The following HSD17B12 variants were observed in gnomAD, a reference collection of about 807,000 sequenced individuals.
HSD17B12 encodes the protein very-long-chain 3-oxoacyl-CoA reductase.
A neutral mutation model predicts 39.3 loss-of-function variants in HSD17B12; 32 were observed. That is an observed-to-expected ratio of 0.81 (90% CI 0.61 to 1.09). HSD17B12 has a LOEUF of 1.09. HSD17B12 is among the 50% of genes least tolerant of loss of function. The pLI is 0.00. For synonymous variants in HSD17B12, 150 were observed against 146.7 expected, an observed-to-expected ratio of 1.02 and a Z score of -0.16; for missense variants, 342 against 382.9, an observed-to-expected ratio of 0.89 and a Z score of 0.89.
At chr11:43,736,506 A>T (rs769807283) in intron 1 of HSD17B12, among the ~76,000 whole-genome samples, 1 of 152,192 alleles carries the variant, frequency 6.6e-6, no homozygotes, top group Non-Finnish European at 1.5e-5. Flanking sequence ...GGGACAGGAC[A>T]TTTGTAAACT....
chr11:43,610,569 C>T, the HSD17B12 span, among the ~76,000 whole-genome samples: 10 of 152,124 alleles, frequency 6.6e-5, no homozygotes, highest in African/African-American at 2.4e-4. Context: ...TCAGTTTCCC[C>T]ATATGCAAAA....
chr11:43,762,388 C>T (rs1950562333), intron 3 of HSD17B12, among the ~76,000 whole-genome samples: 1 of 152,162 alleles, frequency 6.6e-6, no homozygotes, highest in East Asian at 1.9e-4. Flanking sequence ...AGCAGGAAGC[C>T]TGACTTACAC....
intron 3 of HSD17B12, among the ~76,000 whole-genome samples, chr11:43,787,497 G>C (rs1036092251): frequency 1.3e-5 from 2 of 151,984 alleles, no homozygotes; most frequent in African/African-American, 4.8e-5. Context: ...AACACTGTGG[G>C]AGGCCGAAGC....
At chr11:43,563,261 G>A in the HSD17B12 span, among the ~76,000 whole-genome samples, 1 of 152,196 alleles carries the variant, frequency 6.6e-6, no homozygotes, top group African/African-American at 2.4e-5. Flanking sequence ...GCTTGCCATT[G>A]TAGCACTCGT....
chr11:43,664,891 G>T, the HSD17B12 span, among the ~76,000 whole-genome samples: 1 of 152,180 alleles, frequency 6.6e-6, no homozygotes, highest in Non-Finnish European at 1.5e-5. Context: ...TGGAAAGCAA[G>T]TCTTTCTAAC....
chr11:43,765,344 T>C (rs1458418264), intron 3 of HSD17B12, among the ~76,000 whole-genome samples: 1 of 152,132 alleles, frequency 6.6e-6, no homozygotes, highest in African/African-American at 2.4e-5. Context: ...ACTACTTTGC[T>C]TCACTGTCTT....
rs149823033 is a variant in HSD17B12, at chr11:43,711,568, G to A, written c.160+30581G>A. Among the ~76,000 whole-genome samples the A allele has an allele frequency of 1.7e-3, 255 of 149,982 alleles. 5 individuals carry two copies. The East Asian group carries it at 0.036, about 21-fold the overall frequency. ...CGGCTTACTGTAGCATCAGCCTCCC[G>A]GGCTTAAGTGATCCTCCCACCTCAG... On this transcript the variant is annotated intron_variant, in intron 1 of 10. Coordinates refer to ENST00000278353, the MANE Select transcript of HSD17B12 (RefSeq NM_016142.3).
At chr11:43,621,599 C>T in the HSD17B12 span, among the ~76,000 whole-genome samples, 1 of 152,126 alleles carries the variant, frequency 6.6e-6, no homozygotes, top group Admixed American at 6.5e-5. Flanking sequence ...CCTGTGGTCC[C>T]AGCTACTCTG....
At chr11:43,574,186 C>A in the HSD17B12 span, among the ~76,000 whole-genome samples, 1 of 152,158 alleles carries the variant, frequency 6.6e-6, no homozygotes, top group Non-Finnish European at 1.5e-5. Context: ...TAAGCTTAAC[C>A]CCAAATCTCT....
At chr11:43,789,369 A>G (rs1950845708) in intron 3 of HSD17B12, among the ~76,000 whole-genome samples, 1 of 152,176 alleles carries the variant, frequency 6.6e-6, no homozygotes, top group Non-Finnish European at 1.5e-5. Flanking sequence ...ACATTTATTG[A>G]GCTCCTATAA....
At chr11:43,677,817 C>A (rs182238927), upstream of HSD17B12, among the ~76,000 whole-genome samples, 30 of 152,310 alleles carry the variant, frequency 2.0e-4, no homozygotes, top group Middle Eastern at 6.8e-3. Context: ...GTATATGTGC[C>A]ACTTTTTGTT....
intron 9 of HSD17B12, among the ~76,000 whole-genome samples, chr11:43,849,691 TC>T (rs756146293): frequency 6.6e-6 from 1 of 152,232 alleles, no homozygotes; most frequent in Non-Finnish European, 1.5e-5. Context: ...GGTATTTTTT[TC>T]ATCTTGCTTT....
chr11:43,738,334 A>G (rs2134906964), intron 1 of HSD17B12, among the ~76,000 whole-genome samples: 1 of 152,172 alleles, frequency 6.6e-6, no homozygotes, highest in East Asian at 1.9e-4. Flanking sequence ...TATTAAGCCC[A>G]GAGTCCATTA....
chr11:43,727,752 C>T (rs967563013), intron 1 of HSD17B12, among the ~76,000 whole-genome samples: 2 of 152,184 alleles, frequency 1.3e-5, no homozygotes, highest in African/African-American at 4.8e-5. Context: ...ACAATTCACC[C>T]TCTTTCTACC....
intron 4 of HSD17B12, among the ~76,000 whole-genome samples, chr11:43,807,347 A>G (rs1951028902): frequency 6.6e-6 from 1 of 152,208 alleles, no homozygotes; most frequent in Non-Finnish European, 1.5e-5. Context: ...TACTGGGAGA[A>G]TAGACATGGG....
At chr11:43,646,161 A>G in the HSD17B12 span, 2 of 152,236 alleles carry the variant, frequency 1.3e-5, no homozygotes, top group Admixed American at 6.5e-5. Context: ...CTCAAAAAAT[A>G]TATGTATAGT....
chr11:43,637,089 G>T, the HSD17B12 span, among the ~76,000 whole-genome samples: 3 of 152,100 alleles, frequency 2.0e-5, no homozygotes, highest in Non-Finnish European at 4.4e-5. Flanking sequence ...GCATTATAAA[G>T]TTGTAGTATT....
the HSD17B12 span, among the ~76,000 whole-genome samples, chr11:43,585,482 C>T: frequency 1.3e-5 from 2 of 152,180 alleles, no homozygotes; most frequent in African/African-American, 4.8e-5. Context: ...AATAGAAGCA[C>T]ATTACGTGGA....
At chr11:43,804,396 C>T (rs774828856) in intron 4 of HSD17B12, among the ~76,000 whole-genome samples, 4 of 152,258 alleles carry the variant, frequency 2.6e-5, no homozygotes, top group African/African-American at 4.8e-5. Flanking sequence ...TCTTTCCATA[C>T]GCATTGCTAA....
Sources: allele counts gnomAD v4.1 joint callset (sites outside exome capture counted in the v4.1 genomes callset), GRCh38; gene constraint gnomAD v4.1.1; transcripts MANE v1.5; gene names NCBI Gene and HGNC (gene_info 2026-07-23, HGNC 2026-07-21).